Variants in MYO16 observed in about 807,000 individuals in gnomAD.
The protein encoded by MYO16 is myosin XVI, also known as unconventional myosin-XVI.
Under a neutral mutation model 205.3 loss-of-function variants are expected in MYO16, and 94 were observed. That is an observed-to-expected ratio of 0.46 (90% CI 0.39 to 0.54). The LOEUF is 0.54. Ranked by LOEUF, MYO16 falls within the 20% of genes least tolerant of loss-of-function variation. MYO16 has a pLI of 0.00. For missense variants in MYO16, 2,315 were observed against 2,387.5 expected, an observed-to-expected ratio of 0.97 and a Z score of 0.63; for synonymous variants, 988 against 954.0, an observed-to-expected ratio of 1.04 and a Z score of -0.66.
chr13:108,820,193 G>C (rs1359546934), intron 7 of MYO16, 144 bp from the exon 8 acceptor site: 1 of 560,530 alleles, frequency 1.8e-6, no homozygotes, highest in African/African-American at 1.9e-5. Context: ...AAGGCACTGG[G>C]AAAGGGGACA....
chr13:108,522,071 T>C, the MYO16 span, among the ~76,000 whole-genome samples: 3 of 152,182 alleles, frequency 2.0e-5, no homozygotes, highest in African/African-American at 7.2e-5. Context: ...TGAAAACAAA[T>C]TGAAGGTCAG....
chr13:108,926,163 T>C (rs1881991395), intron 16 of MYO16, among the ~76,000 whole-genome samples: 1 of 152,174 alleles, frequency 6.6e-6, no homozygotes, highest in Non-Finnish European at 1.5e-5. Flanking sequence ...TGAAATACAC[T>C]GACGTGTTTC....
At chr13:108,631,388 C>G (rs750255256) in intron 1 of MYO16, among the ~76,000 whole-genome samples, 1 of 152,118 alleles carries the variant, frequency 6.6e-6, no homozygotes, top group Non-Finnish European at 1.5e-5. Context: ...CCTTTCCTGC[C>G]TTTTGTTCTG....
chr13:108,711,134 G>C (rs1883705226), intron 2 of MYO16, among the ~76,000 whole-genome samples: 1 of 152,146 alleles, frequency 6.6e-6, no homozygotes, highest in South Asian at 2.1e-4. Context: ...CCACGAAACA[G>C]GACGGTTCTT....
At chr13:108,923,477 A>G (rs2139270409) in intron 16 of MYO16, among the ~76,000 whole-genome samples, 1 of 152,340 alleles carries the variant, frequency 6.6e-6, no homozygotes, top group South Asian at 2.1e-4. Flanking sequence ...GCAGACTGGT[A>G]AGGGCAGTGG....
chr13:108,714,799 CAT>C (rs1333366281), intron 3 of MYO16, among the ~76,000 whole-genome samples: 1 of 152,108 alleles, frequency 6.6e-6, no homozygotes, highest in African/African-American at 2.4e-5. Context: ...TTAATGAACA[CAT>C]ATATCACTAT....
intron 16 of MYO16, among the ~76,000 whole-genome samples, chr13:108,947,275 C>T (rs72654044): frequency 0.087 from 13,222 of 152,154 alleles, 755 homozygotes; most frequent in Middle Eastern, 0.21. Context: ...TCACCTTCTC[C>T]CCTGAGGAGG....
At chr13:108,598,649 ATGAATAAGTACGTGT>A (rs572145919) in intron 1 of MYO16, among the ~76,000 whole-genome samples, 14 of 152,312 alleles carry the variant, frequency 9.2e-5, no homozygotes, top group Admixed American at 7.8e-4. Context: ...ATAGGCAGGA[ATGAATAAGTACGTGT>A]TGAATTCTTA....
intron 4 of MYO16, among the ~76,000 whole-genome samples, chr13:108,775,655 C>T (rs1200716579): frequency 2.6e-5 from 4 of 152,126 alleles, no homozygotes; most frequent in African/African-American, 4.8e-5. Context: ...TGCTTTGCAA[C>T]TCATCAGCTC....
intron 27 of MYO16, among the ~76,000 whole-genome samples, chr13:109,093,030 T>C (rs1462219676): frequency 6.6e-6 from 1 of 152,246 alleles, no homozygotes; most frequent in African/African-American, 2.4e-5. Flanking sequence ...CTGTTTTTTT[T>C]AGTGTTATAG....
intron 30 of MYO16, among the ~76,000 whole-genome samples, chr13:109,126,231 A>C (rs1170381702): frequency 6.6e-6 from 1 of 152,190 alleles, no homozygotes; most frequent in Non-Finnish European, 1.5e-5. Flanking sequence ...ACTGAAAAAA[A>C]TCCCCTTTGT....
At chr13:108,556,148 A>G in the MYO16 span, among the ~76,000 whole-genome samples, 1 of 151,990 alleles carries the variant, frequency 6.6e-6, no homozygotes, top group African/African-American at 2.4e-5. Context: ...TTTCCTTTGG[A>G]TATATATCTG....
At chr13:108,584,849 A>G in the MYO16 span, among the ~76,000 whole-genome samples, 10 of 152,228 alleles carry the variant, frequency 6.6e-5, no homozygotes, top group African/African-American at 2.4e-4. Flanking sequence ...TTAAAATTGT[A>G]TTTTTACAGA....
intron 13 of MYO16, among the ~76,000 whole-genome samples, chr13:108,885,842 C>T (rs1414483698): frequency 1.3e-5 from 2 of 152,132 alleles, no homozygotes; most frequent in Non-Finnish European, 2.9e-5. Flanking sequence ...TTTGGGAGTC[C>T]GCCCGGGAGA....
Position 109,011,173 on chromosome 13 carries a change from T to C in MYO16, c.2595+2124T>C, listed in dbSNP as rs1251147369. Among the ~76,000 whole-genome samples the C allele has an allele frequency of 9.2e-5, 14 of 152,088 alleles. No homozygotes were observed. In the South Asian group the frequency reaches 1.2e-3, roughly 14 times the overall value. On this transcript the variant is annotated intron_variant, in intron 22 of 34. Transcript: ENST00000457511. Reference sequence around the variant, plus strand: ...CAGGCATTGCTGACCTCAGATAACTTGCTGAGGTGGGTTAGCTTGCTTTTG... The same window carrying C: ...CAGGCATTGCTGACCTCAGATAACTCGCTGAGGTGGGTTAGCTTGCTTTTG...
chr13:108,634,348 T>G (rs894431653), intron 1 of MYO16, among the ~76,000 whole-genome samples: 6 of 152,194 alleles, frequency 3.9e-5, no homozygotes, highest in South Asian at 4.1e-4. Flanking sequence ...CCAAGGCCAG[T>G]GCGCTTGCAA....
intron 24 of MYO16, chr13:109,048,240 T>TTA: frequency 3.3e-6 from 2 of 613,448 alleles, no homozygotes; most frequent in South Asian, 3.9e-5. Flanking sequence ...CTGCTTATCT[T>TTA]AATAGAGTCC....
the MYO16 span, among the ~76,000 whole-genome samples, chr13:108,590,820 T>C: frequency 8.6e-5 from 13 of 152,034 alleles, no homozygotes; most frequent in African/African-American, 3.1e-4. Flanking sequence ...AGGAAGAATT[T>C]TTCCTTACAG....
chr13:108,853,750 C>T (rs921230578), intron 10 of MYO16, among the ~76,000 whole-genome samples: 7 of 151,910 alleles, frequency 4.6e-5, no homozygotes, highest in African/African-American at 1.7e-4. Flanking sequence ...CTACAGTGCA[C>T]ATCACCATGC....
Sources: gnomAD v4.1 joint callset for allele counts (sites outside exome capture counted in the v4.1 genomes callset) on GRCh38, gnomAD v4.1.1 for gene constraint, MANE v1.5 for transcripts, NCBI Gene and HGNC (gene_info 2026-07-23, HGNC 2026-07-21) for gene names.